Variants in STARD13 observed in about 807,000 individuals in gnomAD.
STARD13 encodes the protein stAR-related lipid transfer protein 13.
Under a neutral mutation model 106.4 loss-of-function variants are expected in STARD13, and 62 were observed. That is an observed-to-expected ratio of 0.58 (90% CI 0.48 to 0.72). The LOEUF (loss-of-function observed/expected upper bound fraction) is 0.72, where lower values mean the gene tolerates loss of function less well. Ranked by LOEUF, STARD13 falls within the 30% of genes least tolerant of loss-of-function variation. STARD13 has a pLI of 0.00. For synonymous variants in STARD13, 565 were observed against 553.0 expected, an observed-to-expected ratio of 1.02 and a Z score of -0.31; for missense variants, 1,387 against 1,424.0, an observed-to-expected ratio of 0.97 and a Z score of 0.42.
the STARD13 span, among the ~76,000 whole-genome samples, chr13:33,614,623 A>AAAAAC: frequency 3.9e-5 from 6 of 152,224 alleles, no homozygotes; most frequent in Non-Finnish European, 8.8e-5. Flanking sequence ...GTGCCATGAA[A>AAAAAC]AAAACAAAAC....
chr13:33,386,895 C>T, the STARD13 span, among the ~76,000 whole-genome samples: 10 of 152,002 alleles, frequency 6.6e-5, no homozygotes, highest in Non-Finnish European at 4.4e-5. Flanking sequence ...TTTAAAATTT[C>T]GAGGTGGCTG....
the STARD13 span, among the ~76,000 whole-genome samples, chr13:33,556,482 A>G: frequency 1.3e-5 from 2 of 151,946 alleles, no homozygotes; most frequent in Non-Finnish European, 2.9e-5. Flanking sequence ...GGGTCTCACT[A>G]AGTTGCCCAG....
At chr13:33,229,576 G>A (rs374340709) in intron 1 of STARD13, among the ~76,000 whole-genome samples, 13 of 152,108 alleles carry the variant, frequency 8.5e-5, no homozygotes, top group African/African-American at 2.7e-4. Flanking sequence ...CACATCACCC[G>A]TGCCAGGCAT....
chr13:33,597,223 G>A, the STARD13 span, among the ~76,000 whole-genome samples: 27 of 152,226 alleles, frequency 1.8e-4, no homozygotes, highest in African/African-American at 6.0e-4. Flanking sequence ...TTTGACAATA[G>A]CCATTCTAAC....
At chr13:33,453,817 A>G in the STARD13 span, among the ~76,000 whole-genome samples, 1 of 152,238 alleles carries the variant, frequency 6.6e-6, no homozygotes. Context: ...CTGCTAATTC[A>G]GCATTTGAAA....
chr13:33,659,021 CT>C, the STARD13 span, among the ~76,000 whole-genome samples: 2 of 152,082 alleles, frequency 1.3e-5, no homozygotes, highest in African/African-American at 4.8e-5. Flanking sequence ...CACATGGAAG[CT>C]CTTTGCCCCC....
At chr13:33,292,900 T>G (rs1462814526) in intron 1 of STARD13, among the ~76,000 whole-genome samples, 1 of 151,892 alleles carries the variant, frequency 6.6e-6, no homozygotes, top group Non-Finnish European at 1.5e-5. Flanking sequence ...AAAGTGAAAC[T>G]CCTTACTTGA....
At chr13:33,607,963 A>G in the STARD13 span, among the ~76,000 whole-genome samples, 5 of 152,204 alleles carry the variant, frequency 3.3e-5, no homozygotes, top group Admixed American at 3.3e-4. Flanking sequence ...AGGCTGGAGT[A>G]CAATGGCACA....
chr13:33,295,553 A>C (rs906560926), intron 1 of STARD13, among the ~76,000 whole-genome samples: 6 of 152,182 alleles, frequency 3.9e-5, no homozygotes, highest in Non-Finnish European at 7.3e-5. Context: ...TGTATTCTTC[A>C]TGCCAGGCAC....
the STARD13 span, among the ~76,000 whole-genome samples, chr13:33,451,624 G>A: frequency 2.0e-5 from 3 of 152,138 alleles, no homozygotes; most frequent in Non-Finnish European, 4.4e-5. Flanking sequence ...ACACTCAGTT[G>A]GGTCTGCATA....
the STARD13 span, among the ~76,000 whole-genome samples, chr13:33,506,629 C>T: frequency 6.6e-6 from 1 of 152,084 alleles, no homozygotes; most frequent in Non-Finnish European, 1.5e-5. Context: ...ACAACCAAGG[C>T]ATGCTGATAC....
intron 1 of STARD13, among the ~76,000 whole-genome samples, chr13:33,331,502 G>A (rs1016165069): frequency 7.4e-5 from 11 of 148,476 alleles, no homozygotes; most frequent in Admixed American, 1.4e-4. Context: ...ACAGGCATGC[G>A]CCACCATGCC....
the STARD13 span, among the ~76,000 whole-genome samples, chr13:33,440,002 C>T: frequency 1.3e-5 from 2 of 152,174 alleles, no homozygotes; most frequent in Non-Finnish European, 2.9e-5. Context: ...AGGCCTTGTG[C>T]AGTGGCTCAT....
chr13:33,206,195 G>C (rs1250193753), intron 1 of STARD13: 2 of 174,414 alleles, frequency 1.1e-5, no homozygotes, highest in Non-Finnish European at 2.3e-5. Context: ...ACAAACCAAG[G>C]GGGGTGCTCC....
chr13:33,645,837 G>A, the STARD13 span, among the ~76,000 whole-genome samples: 5 of 152,058 alleles, frequency 3.3e-5, no homozygotes, highest in South Asian at 8.3e-4. Context: ...CTTAAGCCAG[G>A]GTGTCACTTA....
chr13:33,519,208 T>TTTCTCTTTCTTTC, the STARD13 span, among the ~76,000 whole-genome samples: 7 of 101,532 alleles, frequency 6.9e-5, no homozygotes, highest in East Asian at 2.7e-4. Flanking sequence ...CTTGGTAATT[T>TTTCTCTTTCTTTC]TTTCTTTCTT....
intron 12 of STARD13, among the ~76,000 whole-genome samples, chr13:33,107,410 T>G (rs1321022083): frequency 6.6e-6 from 1 of 152,042 alleles, no homozygotes; most frequent in Non-Finnish European, 1.5e-5. Context: ...GTAAATGCAC[T>G]GGTAAGATTA....
chr13:33,186,522 T>C (rs561202361), intron 1 of STARD13, among the ~76,000 whole-genome samples: 94 of 152,332 alleles, frequency 6.2e-4, no homozygotes, highest in Non-Finnish European at 1.0e-3. Flanking sequence ...GCAAAGATGA[T>C]GATTCTAAGA....
At chr13:33,665,909 C>T in the STARD13 span, among the ~76,000 whole-genome samples, 2 of 152,214 alleles carry the variant, frequency 1.3e-5, no homozygotes, top group Non-Finnish European at 2.9e-5. Flanking sequence ...GTCAATGTCA[C>T]TCAGCTGGCT....
Sources: allele counts gnomAD v4.1 joint callset (sites outside exome capture counted in the v4.1 genomes callset), GRCh38; gene constraint gnomAD v4.1.1; transcripts MANE v1.5; gene names NCBI Gene and HGNC (gene_info 2026-07-23, HGNC 2026-07-21).